PRLR: variants seen among roughly 807,000 people sequenced by gnomAD.
PRLR encodes the protein prolactin receptor, also known as hPRL receptor.
Under a neutral mutation model 40.2 loss-of-function variants are expected in PRLR, and 13 were observed. The ratio of observed to expected loss-of-function variants is 0.32; its 90% CI spans 0.21 to 0.51. The LOEUF (loss-of-function observed/expected upper bound fraction) is 0.51. Ranked by LOEUF, PRLR falls within the 20% of genes least tolerant of loss-of-function variation. The pLI is 0.97. For missense variants in PRLR, 656 were observed against 747.3 expected (o/e 0.88, Z 1.42); for synonymous variants, 269 against 278.7 (o/e 0.97, Z 0.35).
intron 2 of PRLR, among the ~76,000 whole-genome samples, chr5:35,106,255 C>T (rs1019703299): frequency 9.2e-5 from 14 of 152,284 alleles, no homozygotes; most frequent in African/African-American, 3.4e-4. Context: ...ACAACTGGTA[C>T]CAGCCACTGC....
intron 1 of PRLR, among the ~76,000 whole-genome samples, chr5:35,121,871 C>T (rs146902632): frequency 1.3e-5 from 2 of 152,286 alleles, no homozygotes; most frequent in East Asian, 3.9e-4. Context: ...TTCTTTCATT[C>T]ACTCAGTATT....
intron 1 of PRLR, among the ~76,000 whole-genome samples, chr5:35,211,304 G>A (rs1283796969): frequency 6.6e-6 from 1 of 152,100 alleles, no homozygotes; most frequent in Non-Finnish European, 1.5e-5. Context: ...GTACAATGGG[G>A]CATCATTAGG....
chr5:35,198,564 T>C (rs1042932016), intron 1 of PRLR, among the ~76,000 whole-genome samples: 2 of 152,242 alleles, frequency 1.3e-5, no homozygotes, highest in Non-Finnish European at 2.9e-5. Flanking sequence ...CCTTAGTTTC[T>C]TCGCTCTGCT....
intron 1 of PRLR, among the ~76,000 whole-genome samples, chr5:35,148,717 G>A (rs1774256686): frequency 6.6e-6 from 1 of 152,112 alleles, no homozygotes; most frequent in Non-Finnish European, 1.5e-5. Flanking sequence ...AGAAACGAAA[G>A]GATCTTTGAA....
chr5:35,068,957 A>T, intron 7 of PRLR, 79 bp from the exon 8 acceptor site: 1 of 1,057,614 alleles, frequency 9.5e-7, no homozygotes. Context: ...TGAAACTCTT[A>T]AACCCAAGAG....
intron 2 of PRLR, among the ~76,000 whole-genome samples, chr5:35,092,521 A>G (rs1182358660): frequency 6.6e-6 from 1 of 151,372 alleles, no homozygotes; most frequent in African/African-American, 2.4e-5. Flanking sequence ...TTTTCTTTTT[A>G]TGGCTGGCAG....
At chr5:35,127,898 G>T (rs1773524079) in intron 1 of PRLR, among the ~76,000 whole-genome samples, 1 of 152,004 alleles carries the variant, frequency 6.6e-6, no homozygotes, top group African/African-American at 2.4e-5. Context: ...TACTTCTTGG[G>T]GTGACGAAAT....
intron 1 of PRLR, among the ~76,000 whole-genome samples, chr5:35,222,425 G>A (rs1436167933): frequency 3.3e-5 from 5 of 152,162 alleles, no homozygotes; most frequent in Admixed American, 1.3e-4. Context: ...CAGAACAGCC[G>A]TAAAGTGTGG....
intron 1 of PRLR, among the ~76,000 whole-genome samples, chr5:35,212,656 AAAT>A (rs1776200025): frequency 6.6e-6 from 1 of 152,222 alleles, no homozygotes; most frequent in Admixed American, 6.5e-5. Context: ...GCCTAAATGA[AAAT>A]AATAATATAG....
intron 1 of PRLR, among the ~76,000 whole-genome samples, chr5:35,229,451 T>C (rs980528566): frequency 2.6e-5 from 4 of 152,154 alleles, no homozygotes; most frequent in South Asian, 4.1e-4. Flanking sequence ...ACTAAAAGGA[T>C]AGTTTTCTAC....
chr5:35,220,210 A>G (rs1776381606), intron 1 of PRLR, among the ~76,000 whole-genome samples: 2 of 152,154 alleles, frequency 1.3e-5, no homozygotes, highest in Admixed American at 6.5e-5. Flanking sequence ...AAAGCACTTA[A>G]CAGCCTAACT....
intron 1 of PRLR, among the ~76,000 whole-genome samples, chr5:35,151,532 T>A (rs1286561459): frequency 2.6e-5 from 4 of 152,070 alleles, no homozygotes; most frequent in Non-Finnish European, 5.9e-5. Flanking sequence ...CCTCTTCCCC[T>A]TTGATCTGGG....
rs928796908 is a variant in PRLR at position 35,063,400 on chromosome 5, A to G, written c.*1689T>C. On this transcript the variant is annotated 3_prime_UTR_variant, in exon 10 of 10. Coordinates refer to ENST00000618457, the MANE Select transcript of PRLR (RefSeq NM_000949.7). Reference sequence around the variant, plus strand: ...GCTAGTAAATGGACATATAGAATGGATTTACCATCAAGTGAAGGGAAAAAT... The same window carrying G: ...GCTAGTAAATGGACATATAGAATGGGTTTACCATCAAGTGAAGGGAAAAAT... 6.6e-6 allele frequency: 1 copy of G among 152,134 alleles called. No individual in the cohort carries two copies. The highest frequency in any genetic ancestry group is 2.4e-5 in the African/African-American group (1 of 41,408). The allele number at this position is 152,134 out of a possible 1,614,324, so 9.4% of individuals were successfully genotyped here.
chr5:35,157,766 TTCCCGTCTTGAAA>T (rs1774552149), intron 1 of PRLR, among the ~76,000 whole-genome samples: 1 of 152,236 alleles, frequency 6.6e-6, no homozygotes, highest in South Asian at 2.1e-4. Flanking sequence ...GAACTAAAAT[TTCCCGTCTTGAAA>T]AGACATCTGT....
chr5:35,206,278 C>A (rs961748546), intron 1 of PRLR, among the ~76,000 whole-genome samples: 2 of 151,542 alleles, frequency 1.3e-5, no homozygotes, highest in African/African-American at 2.4e-5. Flanking sequence ...CATTATACAC[C>A]CTAAAAGGAT....
At chr5:35,203,817 C>T (rs1235719658) in intron 1 of PRLR, among the ~76,000 whole-genome samples, 5 of 147,880 alleles carry the variant, frequency 3.4e-5, no homozygotes, top group African/African-American at 1.2e-4. Context: ...TGAGCCATTA[C>T]CAAAAGCTCA....
intron 1 of PRLR, among the ~76,000 whole-genome samples, chr5:35,190,075 C>T (rs903058836): frequency 6.6e-6 from 1 of 152,168 alleles, no homozygotes; most frequent in Non-Finnish European, 1.5e-5. Flanking sequence ...GGAGTCCATG[C>T]TTCTGAGGTG....
chr5:35,089,745 A>G (rs1771086452), intron 2 of PRLR, 82 bp from the exon 3 acceptor site: 1 of 791,834 alleles, frequency 1.3e-6, no homozygotes, highest in African/African-American at 1.7e-5. Flanking sequence ...GGTATTTGCA[A>G]CTGATTGTTG....
At chr5:35,147,588 C>T (rs369084314) in intron 1 of PRLR, among the ~76,000 whole-genome samples, 7 of 151,942 alleles carry the variant, frequency 4.6e-5, no homozygotes, top group African/African-American at 1.5e-4. Flanking sequence ...TCTCAGGATT[C>T]GTTGAGAAAA....
Sources: gnomAD v4.1 joint callset for allele counts (sites outside exome capture counted in the v4.1 genomes callset) on GRCh38, gnomAD v4.1.1 for gene constraint, MANE v1.5 for transcripts, NCBI Gene and HGNC (gene_info 2026-07-23, HGNC 2026-07-21) for gene names.